Variants in DPP9 observed in about 807,000 individuals in gnomAD.
The protein encoded by DPP9 is dipeptidyl peptidase 9.
Under a neutral mutation model 110.7 loss-of-function variants are expected in DPP9, and 50 were observed. The ratio of observed to expected loss-of-function variants is 0.45; its 90% confidence interval spans 0.36 to 0.57. The LOEUF (loss-of-function observed/expected upper bound fraction) is 0.57. Ranked by LOEUF, DPP9 falls within the 20% of genes least tolerant of loss-of-function variation. The pLI is 0.00. For missense variants in DPP9, 1,022 were observed against 1,217.9 expected, an observed-to-expected ratio of 0.84 and a Z score of 2.39; for synonymous variants, 561 against 514.4, an observed-to-expected ratio of 1.09 and a Z score of -1.23.
chr19:4,709,672 C>A (rs2092741767), intron 4 of DPP9, among the ~76,000 whole-genome samples: 1 of 151,986 alleles, frequency 6.6e-6, no homozygotes, highest in African/African-American at 2.4e-5. Flanking sequence ...CTTTTTGGGG[C>A]GAGTGAATGT....
rs1163414211 is a variant in DPP9, at chr19:4,675,454, C to T, written c.*1110G>A. Reference sequence around the variant, plus strand: ...ACCCTGAGGTGGGGATGGTTCAGCTCCCAACCCCGGAACCCCTGGTGTGTA... The same window carrying T: ...ACCCTGAGGTGGGGATGGTTCAGCTTCCAACCCCGGAACCCCTGGTGTGTA... On this transcript the variant is annotated 3_prime_UTR_variant, in exon 22 of 22. Transcript: ENST00000262960. 6.6e-6 allele frequency: 1 copy of T among 151,406 alleles called. No individual in the cohort carries two copies. Among genetic ancestry groups the T allele is most frequent in the East Asian group, 1.9e-4 (1 of 5,140 alleles). 9.4% of individuals were successfully genotyped at this position (151,406 alleles called of 1,614,324 possible).
intron 13 of DPP9, among the ~76,000 whole-genome samples, chr19:4,692,342 G>T (rs10406145): frequency 1.3e-5 from 2 of 152,048 alleles, no homozygotes; most frequent in South Asian, 2.1e-4. Context: ...AACAAGCTAC[G>T]GCAAACGTGT....
rs765125122 is a variant in DPP9, at chr19:4,683,472, C to T, written c.2331+5G>A. The T allele has an allele frequency of 6.2e-7, 1 of 1,612,832 alleles. No individual in the cohort carries two copies. The highest frequency in any genetic ancestry group is 8.5e-7 in the Non-Finnish European group (1 of 1,179,832). ...TGGCTGAGGCCGGCCAGGGGTGGGA[C>T]CCACCTTGAACACCTGGGGCTTGTG... is the stretch of plus-strand genomic sequence containing the variant. On this transcript the variant is annotated splice_donor_5th_base_variant and intron_variant, in intron 19 of 21. Coordinates refer to ENST00000262960, the MANE Select transcript of DPP9 (RefSeq NM_139159.5).
intron 4 of DPP9, among the ~76,000 whole-genome samples, chr19:4,712,810 T>G (rs1337356151): frequency 1.3e-5 from 2 of 152,208 alleles, no homozygotes; most frequent in Non-Finnish European, 2.9e-5. Context: ...GGAGAGGGAC[T>G]GCGCTGATGG....
chr19:4,686,626 C>T (rs2090761214), intron 16 of DPP9, among the ~76,000 whole-genome samples: 1 of 152,172 alleles, frequency 6.6e-6, no homozygotes, highest in South Asian at 2.1e-4. Context: ...AGCCATCGAA[C>T]TCCTGACCTT....
At position 4,687,884 on chromosome 19, in the gene DPP9, G is replaced by C. The variant is rs568721648; in HGVS notation, c.1885+873C>G. ...GCGATCTCAGCTCACTGCAACCTCT[G>C]TGTCCTGGGCTCAGGCCATTCTCTT... On this transcript the variant is annotated intron_variant, in intron 16 of 21. Coordinates refer to ENST00000262960, the MANE Select transcript of DPP9 (RefSeq NM_139159.5). The surrounding 1 kb of genome is among the most constrained non-coding windows in gnomAD (Gnocchi z 4.7). 6.6e-6 allele frequency among the ~76,000 whole-genome samples: 1 copy of C among 152,068 alleles called. No individual in the cohort carries two copies. Among genetic ancestry groups the C allele is most frequent in the Non-Finnish European group, 1.5e-5 (1 of 68,010 alleles).
chr19:4,715,371 G>A (rs1397649465), intron 3 of DPP9, among the ~76,000 whole-genome samples: 5 of 152,136 alleles, frequency 3.3e-5, no homozygotes, highest in Middle Eastern at 3.4e-3. Flanking sequence ...TTGGCAGGCC[G>A]TCAGAAACCT....
chr19:4,719,587 C>T, intron 3 of DPP9: 1 of 535,138 alleles, frequency 1.9e-6, no homozygotes, highest in Non-Finnish European at 3.4e-6. Flanking sequence ...TGGGTGGAGG[C>T]CAGGGACGCT....
At chr19:4,677,626 C>G (rs954684893) in intron 21 of DPP9, among the ~76,000 whole-genome samples, 1 of 152,226 alleles carries the variant, frequency 6.6e-6, no homozygotes, top group Non-Finnish European at 1.5e-5. Flanking sequence ...ACTTGCCAGT[C>G]TGACATCAAG....
chr19:4,691,503 G>A (rs1294457803), intron 13 of DPP9, among the ~76,000 whole-genome samples: 2 of 150,642 alleles, frequency 1.3e-5, no homozygotes, highest in Non-Finnish European at 1.5e-5. Context: ...CAAAAAACAG[G>A]AAGAGAAACC....
At chr19:4,677,777 T>C (rs2089090010) in intron 21 of DPP9, among the ~76,000 whole-genome samples, 1 of 152,200 alleles carries the variant, frequency 6.6e-6, no homozygotes, top group African/African-American at 2.4e-5. Flanking sequence ...TTTATGCCAC[T>C]CTGGGTCCCA....
chr19:4,682,818 C>A lies in DPP9; in HGVS notation c.2352G>T (p.Pro784=). 2 of 1,589,904 alleles carry A rather than the reference C, an allele frequency of 1.3e-6. No homozygotes were observed. The highest frequency in any genetic ancestry group is 1.7e-6 in the Non-Finnish European group (2 of 1,168,802). Residue 784 remains proline, a synonymous_variant, in exon 20 of 22, where the codon CCG becomes CCT. Transcript: ENST00000262960. This position sits in a 1 kb window ranked among gnomAD's most constrained non-coding sequence, Gnocchi z 7.1. ...QVFKVAIAGA[P]VTVWMAYDTG... ...TGTCGTAGGCCATCCAGACGGTGAC[C>A]GGGGCACCCGCGATGGCCACCTGAG...
rs2091609592 is a variant in DPP9 at position 4,694,427 on chromosome 19, C to T, written c.1516+234G>A. On this transcript the variant is annotated intron_variant, in intron 13 of 21. Transcript: ENST00000262960. The surrounding 1 kb of genome is among the most constrained non-coding windows in gnomAD (Gnocchi z 4.0). Reference sequence around the variant, plus strand: ...GGCCAACCCCTGGTTGTGCTAAGGGCCTGGCACAGGGGAGGTGCTCAGTAA... The same window carrying T: ...GGCCAACCCCTGGTTGTGCTAAGGGTCTGGCACAGGGGAGGTGCTCAGTAA... 3.4e-6 allele frequency: 2 copies of T among 586,082 alleles called. No individual in the cohort carries two copies. Among genetic ancestry groups the T allele is most frequent in the African/African-American group, 3.8e-5 (2 of 53,242 alleles). 36.3% of individuals were successfully genotyped at this position (586,082 alleles called of 1,614,324 possible).
chr19:4,706,467 GC>G (rs2092590694), intron 4 of DPP9, among the ~76,000 whole-genome samples: 1 of 152,028 alleles, frequency 6.6e-6, no homozygotes, highest in Admixed American at 6.6e-5. Flanking sequence ...CTTTATCAAG[GC>G]TTTTGCAGAC....
intron 9 of DPP9, 98 bp downstream of exon 9, chr19:4,701,929 A>G: frequency 6.7e-7 from 1 of 1,494,292 alleles, no homozygotes; most frequent in Non-Finnish European, 9.1e-7. Context: ...GAGCACACAC[A>G]TGCAGCTCAG....
Position 4,694,605 on chromosome 19 carries a change from T to G in DPP9, c.1516+56A>C, listed in dbSNP as rs753232685. ...GGCCGACCAATGAACAAACAGCATA[T>G]TGAACCACACGTGACTAACGCGATG... On this transcript the variant is annotated intron_variant, in intron 13 of 21. Transcript: ENST00000262960. This position sits in a 1 kb window ranked among gnomAD's most constrained non-coding sequence, Gnocchi z 4.0. 2 of 1,567,508 alleles carry G rather than the reference T, an allele frequency of 1.3e-6. No individual in the cohort carries two copies. Among genetic ancestry groups the G allele is most frequent in the Non-Finnish European group, 1.7e-6 (2 of 1,154,274 alleles).
chr19:4,688,606 G>T, intron 16 of DPP9, 151 bp downstream of exon 16: 3 of 1,018,634 alleles, frequency 2.9e-6, no homozygotes, highest in Non-Finnish European at 3.9e-6. Context: ...GTCCTATGAC[G>T]AGTTCCCAGA....
chr19:4,690,524 G>A (rs73920118), intron 14 of DPP9, among the ~76,000 whole-genome samples: 2,428 of 152,294 alleles, frequency 0.016, 55 homozygotes, highest in African/African-American at 0.056. Context: ...GCAGCTGGAC[G>A]CATGGCCCCA....
chr19:4,718,145 C>T lies in DPP9; in HGVS notation c.56+1706G>A, dbSNP rs1003347712. On this transcript the variant is annotated intron_variant, in intron 3 of 21. Transcript: ENST00000262960. The surrounding 1 kb of genome is among the most constrained non-coding windows in gnomAD (Gnocchi z 4.3). ...ATATTGCCCAGGCTGGTCTCAAACTCCTGGGCTCCAGCGATCCTGCCACCT... is the reference window on the plus strand; with the variant it reads ...ATATTGCCCAGGCTGGTCTCAAACTTCTGGGCTCCAGCGATCCTGCCACCT... 6.6e-6 allele frequency among the ~76,000 whole-genome samples: 1 copy of T among 152,102 alleles called. No homozygotes were observed.
Sources: allele counts gnomAD v4.1 joint callset (sites outside exome capture counted in the v4.1 genomes callset), GRCh38; gene constraint gnomAD v4.1.1; non-coding constraint Gnocchi (gnomAD v3.1); transcripts MANE v1.5; gene names NCBI Gene and HGNC (gene_info 2026-07-23, HGNC 2026-07-21).